Variants in SIPA1L1 observed in about 807,000 individuals in gnomAD.
SIPA1L1 encodes signal induced proliferation associated 1 like 1.
A neutral mutation model predicts 162.7 loss-of-function variants in SIPA1L1; 26 were observed. That is an observed-to-expected ratio of 0.16 (90% confidence interval 0.12 to 0.22). SIPA1L1 has a LOEUF of 0.22. Ranked by LOEUF, SIPA1L1 falls within the 10% of genes least tolerant of loss-of-function variation. The probability of loss-of-function intolerance (pLI) is 1.00; values close to 1 mark genes in which losing one functional copy is unlikely to be tolerated. For missense variants in SIPA1L1, 1,874 were observed against 2,241.0 expected, an observed-to-expected ratio of 0.84 and a Z score of 3.31; for synonymous variants, 829 against 837.4, an observed-to-expected ratio of 0.99 and a Z score of 0.17.
At chr14:71,549,215 G>A (rs1372486477) in intron 4 of SIPA1L1, among the ~76,000 whole-genome samples, 1 of 152,150 alleles carries the variant, frequency 6.6e-6, no homozygotes, top group Non-Finnish European at 1.5e-5. Context: ...CCATTTATCA[G>A]TAGATCGGGA....
At chr14:71,642,614 T>C (rs1023772881) in intron 7 of SIPA1L1, among the ~76,000 whole-genome samples, 7 of 152,188 alleles carry the variant, frequency 4.6e-5, no homozygotes, top group African/African-American at 1.7e-4. Context: ...AAAAATACTT[T>C]ATAGGAATAC....
At chr14:71,652,738 A>G (rs1386349808) in intron 8 of SIPA1L1, among the ~76,000 whole-genome samples, 9 of 151,252 alleles carry the variant, frequency 6.0e-5, no homozygotes, top group African/African-American at 2.2e-4. Flanking sequence ...TGGTATCTTA[A>G]TTCATTGTTA....
intron 4 of SIPA1L1, among the ~76,000 whole-genome samples, chr14:71,580,161 T>G (rs2033715262): frequency 6.6e-6 from 1 of 152,132 alleles, no homozygotes; most frequent in Non-Finnish European, 1.5e-5. Context: ...AAGAAGAAAA[T>G]CAGTACTACC....
chr14:71,708,457 TG>T (rs1340432630), intron 16 of SIPA1L1, among the ~76,000 whole-genome samples: 1 of 151,974 alleles, frequency 6.6e-6, no homozygotes, highest in Non-Finnish European at 1.5e-5. Context: ...CCTATATAAC[TG>T]GGACTATAGG....
At chr14:71,651,873 C>G (rs966507390) in intron 8 of SIPA1L1, among the ~76,000 whole-genome samples, 1 of 152,134 alleles carries the variant, frequency 6.6e-6, no homozygotes, top group Admixed American at 6.5e-5. Context: ...CACAGTTTGT[C>G]CAATTATCCC....
rs143611537 is a variant in SIPA1L1, at chr14:71,525,238, A to G, written c.-361-4074A>G. Among the ~76,000 whole-genome samples, 16 of 151,442 alleles carry G rather than the reference A, an allele frequency of 1.1e-4. No individual in the cohort carries two copies. The South Asian group carries it at 3.3e-3, about 32-fold the overall frequency. ...CTCACTCTTGCCTAGGCTGGAGTGC[A>G]GTGGTACGATCTCGGCTCACTGCAA... is the stretch of plus-strand genomic sequence containing the variant. On this transcript the variant is annotated intron_variant, in intron 3 of 23. Coordinates refer to ENST00000381232, the MANE Select transcript of SIPA1L1 (RefSeq NM_001386936.1).
At chr14:71,371,042 T>C (rs1488801804) in intron 2 of SIPA1L1, among the ~76,000 whole-genome samples, 1 of 152,116 alleles carries the variant, frequency 6.6e-6, no homozygotes, top group Non-Finnish European at 1.5e-5. Context: ...AAAAGGCCAC[T>C]AAATGGGGGA....
At chr14:71,437,024 A>G (rs938984052) in intron 2 of SIPA1L1, among the ~76,000 whole-genome samples, 1 of 151,972 alleles carries the variant, frequency 6.6e-6, no homozygotes, top group African/African-American at 2.4e-5. Flanking sequence ...TTGGCCTCCC[A>G]AAGTGCTGGG....
chr14:71,688,703 A>G (rs1011906616), intron 13 of SIPA1L1, among the ~76,000 whole-genome samples: 4 of 152,134 alleles, frequency 2.6e-5, no homozygotes, highest in South Asian at 2.1e-4. Context: ...GCCATTTACA[A>G]TTTGTACCTT....
chr14:71,704,427 A>G (rs1375447882), intron 15 of SIPA1L1, among the ~76,000 whole-genome samples: 4 of 152,202 alleles, frequency 2.6e-5, no homozygotes, highest in African/African-American at 9.7e-5. Flanking sequence ...CAGTGGAGAC[A>G]GGAGTTTAGC....
intron 2 of SIPA1L1, among the ~76,000 whole-genome samples, chr14:71,452,290 AATAAT>A (rs1171808037): frequency 6.6e-6 from 1 of 152,164 alleles, no homozygotes; most frequent in Non-Finnish European, 1.5e-5. Flanking sequence ...ATAAAAATGA[AATAAT>A]ATAATATGTA....
At chr14:71,417,496 A>AAAAAAAAAAAAAAAAAAAAAAAAAT (rs2042879695) in intron 2 of SIPA1L1, among the ~76,000 whole-genome samples, 1 of 147,204 alleles carries the variant, frequency 6.8e-6, no homozygotes, top group Non-Finnish European at 1.5e-5. Flanking sequence ...AAAAAAAAAA[A>AAAAAAAAAAAAAAAAAAAAAAAAAT]AAAAAAAGAA....
At chr14:71,507,048 A>G (rs1295464719) in intron 2 of SIPA1L1, among the ~76,000 whole-genome samples, 1 of 152,140 alleles carries the variant, frequency 6.6e-6, no homozygotes, top group Non-Finnish European at 1.5e-5. Context: ...TTTAAGCCAA[A>G]TGTGCAGAGA....
chr14:71,532,229 T>A (rs192980514), intron 4 of SIPA1L1, among the ~76,000 whole-genome samples: 261 of 152,336 alleles, frequency 1.7e-3, no homozygotes, highest in Middle Eastern at 3.4e-3. Context: ...TTTTCTTTTT[T>A]AAAAAATCTG....
At chr14:71,700,264 A>G (rs960107055) in intron 14 of SIPA1L1, among the ~76,000 whole-genome samples, 1 of 151,586 alleles carries the variant, frequency 6.6e-6, no homozygotes, top group Non-Finnish European at 1.5e-5. Flanking sequence ...AATAAAAGCA[A>G]GTGGGCACTG....
At chr14:71,520,902 A>G (rs1168301347) in intron 3 of SIPA1L1, among the ~76,000 whole-genome samples, 1 of 152,030 alleles carries the variant, frequency 6.6e-6, no homozygotes, top group African/African-American at 2.4e-5. Flanking sequence ...ACAGGAATGC[A>G]CCACCATGTT....
chr14:71,326,949 C>T (rs926841616), intron 2 of SIPA1L1, among the ~76,000 whole-genome samples: 12 of 151,122 alleles, frequency 7.9e-5, no homozygotes, highest in Admixed American at 1.3e-4. Context: ...TGACTTCCAG[C>T]GATCCTCCCG....
chr14:71,663,734 T>C (rs905224196), intron 10 of SIPA1L1, among the ~76,000 whole-genome samples: 4 of 152,210 alleles, frequency 2.6e-5, no homozygotes, highest in African/African-American at 9.7e-5. Context: ...GCCCACCGTT[T>C]GAACCCCATC....
intron 2 of SIPA1L1, among the ~76,000 whole-genome samples, chr14:71,438,140 TAAACAAAACA>T (rs113520416): frequency 5.9e-4 from 90 of 152,240 alleles, no homozygotes; most frequent in South Asian, 5.8e-3. Context: ...ACTTTTTAGT[TAAACAAAACA>T]AAACAAAACA....
Sources: allele counts gnomAD v4.1 joint callset (sites outside exome capture counted in the v4.1 genomes callset), GRCh38; gene constraint gnomAD v4.1.1; transcripts MANE v1.5; gene names NCBI Gene and HGNC (gene_info 2026-07-23, HGNC 2026-07-21).